DLG2: variants seen among roughly 807,000 people sequenced by gnomAD.
DLG2 encodes discs large MAGUK scaffold protein 2, also known as disks large homolog 2.
In DLG2, 45 loss-of-function variants were observed where a neutral mutation model predicts 132.5. The ratio of observed to expected loss-of-function variants is 0.34; its 90% CI spans 0.27 to 0.44. The LOEUF is 0.44. Ranked by LOEUF, DLG2 falls within the 20% of genes least tolerant of loss-of-function variation. The pLI, the probability that DLG2 is intolerant of heterozygous loss-of-function variation, is 1.00. For synonymous variants in DLG2, 424 were observed against 419.6 expected (o/e 1.01, Z -0.13); for missense variants, 1,045 against 1,196.9 (o/e 0.87, Z 1.87).
At chr11:83,855,435 T>C (rs1210426942) in intron 16 of DLG2, among the ~76,000 whole-genome samples, 1 of 152,234 alleles carries the variant, frequency 6.6e-6, no homozygotes, top group Non-Finnish European at 1.5e-5. Context: ...TGTCCTTCAG[T>C]AGGTGAATGG....
intron 19 of DLG2, among the ~76,000 whole-genome samples, chr11:83,550,378 TC>T (rs1416996191): frequency 6.6e-5 from 10 of 152,278 alleles, no homozygotes; most frequent in African/African-American, 1.9e-4. Context: ...ATTTCACATG[TC>T]CGGGGGCTTG....
At chr11:84,818,816 G>A (rs528895140) in intron 6 of DLG2, among the ~76,000 whole-genome samples, 2 of 151,944 alleles carry the variant, frequency 1.3e-5, no homozygotes, top group African/African-American at 4.8e-5. Flanking sequence ...TTGAGTGGCA[G>A]ACTAATGAAT....
At chr11:83,901,335 G>T (rs978441631) in intron 15 of DLG2, among the ~76,000 whole-genome samples, 8 of 152,112 alleles carry the variant, frequency 5.3e-5, no homozygotes, top group Admixed American at 5.2e-4. Flanking sequence ...TTGGGAGGGG[G>T]TAGGGGCAGA....
Position 85,151,894 on chromosome 11 carries a change from T to C in DLG2, c.282+2662A>G, listed in dbSNP as rs114594633. Among the ~76,000 whole-genome samples the C allele has an allele frequency of 2.9e-3, 441 of 152,316 alleles. 1 individual carries two copies. The highest frequency in any genetic ancestry group is 0.01 in the African/African-American group (430 of 41,580). On this transcript the variant is annotated intron_variant, in intron 5 of 27. Coordinates refer to ENST00000376104, the MANE Select transcript of DLG2 (RefSeq NM_001142699.3). ...TGTCTCGGAACTAACGCTTTTAAAA[T>C]AAGGATCATGGGAAGCATTTAATGT...
chr11:85,230,412 AT>A (rs1234966930), intron 4 of DLG2, among the ~76,000 whole-genome samples: 1 of 151,722 alleles, frequency 6.6e-6, no homozygotes, highest in Non-Finnish European at 1.5e-5. Context: ...ATGTTGAATT[AT>A]CTCGTATTCA....
chr11:83,466,233 G>A lies in DLG2; in HGVS notation c.2729+475C>T, dbSNP rs150775501. On this transcript the variant is annotated intron_variant, in intron 26 of 27. Coordinates refer to ENST00000376104, the MANE Select transcript of DLG2 (RefSeq NM_001142699.3). ...AATGCCAATGAAAAAAGTCTCAAACGTTGTCTGCTCTCTCTATAAAAAATC... is the reference window on the plus strand; with the variant it reads ...AATGCCAATGAAAAAAGTCTCAAACATTGTCTGCTCTCTCTATAAAAAATC... 3.6e-3 allele frequency among the ~76,000 whole-genome samples: 552 copies of A among 151,354 alleles called. 4 individuals carry two copies. Among genetic ancestry groups the A allele is most frequent in the Middle Eastern group, 0.014 (4 of 292 alleles).
chr11:84,669,185 G>A (rs1246703200), intron 6 of DLG2, among the ~76,000 whole-genome samples: 1 of 152,018 alleles, frequency 6.6e-6, no homozygotes, highest in Non-Finnish European at 1.5e-5. Context: ...AAGGGGAGTT[G>A]GGGTCTGGCA....
intron 6 of DLG2, among the ~76,000 whole-genome samples, chr11:84,633,817 G>C (rs778502426): frequency 6.6e-6 from 1 of 152,052 alleles, no homozygotes; most frequent in Non-Finnish European, 1.5e-5. Context: ...ACACACACTG[G>C]CCTGCTCTCG....
intron 17 of DLG2, among the ~76,000 whole-genome samples, chr11:83,807,761 T>G (rs951738441): frequency 6.6e-6 from 1 of 152,168 alleles, no homozygotes; most frequent in Non-Finnish European, 1.5e-5. Flanking sequence ...TTAGGCTTGT[T>G]ATTGTTAATC....
At chr11:84,933,206 T>C (rs1213347413) in intron 6 of DLG2, among the ~76,000 whole-genome samples, 1 of 152,158 alleles carries the variant, frequency 6.6e-6, no homozygotes, top group Non-Finnish European at 1.5e-5. Context: ...TTCTAGGTTC[T>C]ATTCTGTTCT....
chr11:85,312,195 C>T (rs556382046), intron 3 of DLG2, among the ~76,000 whole-genome samples: 6 of 151,972 alleles, frequency 3.9e-5, no homozygotes, highest in Non-Finnish European at 8.8e-5. Flanking sequence ...TAAGAAAAAA[C>T]ATTGTGTCTT....
intron 19 of DLG2, among the ~76,000 whole-genome samples, chr11:83,618,598 A>C (rs2061184587): frequency 6.6e-6 from 1 of 152,196 alleles, no homozygotes; most frequent in Non-Finnish European, 1.5e-5. Flanking sequence ...AAAGGTACTA[A>C]GTGGCCAAGC....
At chr11:85,057,952 G>A (rs1400684184) in intron 6 of DLG2, among the ~76,000 whole-genome samples, 2 of 151,318 alleles carry the variant, frequency 1.3e-5, no homozygotes, top group African/African-American at 4.8e-5. Flanking sequence ...ACTTTAAACT[G>A]AAAAACACTT....
At chr11:84,098,521 T>C (rs752546122) in intron 10 of DLG2, among the ~76,000 whole-genome samples, 1 of 152,206 alleles carries the variant, frequency 6.6e-6, no homozygotes, top group African/African-American at 2.4e-5. Context: ...CTATAAATGG[T>C]TGCCGAATAT....
Position 84,502,138 on chromosome 11 carries a change from T to TTCC in DLG2, c.519+32431_519+32432insGGA, listed in dbSNP as rs1301193995. ...TCTTTCTCTCTTTCTCTCTTTCTCC[T>TTCC]TTCTTTCCTTCCTTCCTTCCTTTCT... On this transcript the variant is annotated intron_variant, in intron 7 of 27. Transcript: ENST00000376104. Among the ~76,000 whole-genome samples, 57 of 97,570 alleles carry TTCC rather than the reference T, an allele frequency of 5.8e-4. 9 individuals are homozygous for TTCC. Among genetic ancestry groups the TTCC allele is most frequent in the Non-Finnish European group, 9.1e-4 (44 of 48,532 alleles). 64.0% of individuals were successfully genotyped at this position (97,570 alleles called of 152,430 possible).
At chr11:85,319,343 G>A (rs1259593499) in intron 3 of DLG2, among the ~76,000 whole-genome samples, 1 of 151,706 alleles carries the variant, frequency 6.6e-6, no homozygotes, top group Non-Finnish European at 1.5e-5. Context: ...TTTAACAATA[G>A]TAATCTTGGA....
chr11:84,643,570 T>C (rs1462706241), intron 6 of DLG2, among the ~76,000 whole-genome samples: 5 of 152,186 alleles, frequency 3.3e-5, no homozygotes, highest in African/African-American at 1.2e-4. Flanking sequence ...CCCTCAAATC[T>C]GGAAGGATGG....
At chr11:85,275,837 A>G (rs987303724) in intron 4 of DLG2, among the ~76,000 whole-genome samples, 3 of 152,144 alleles carry the variant, frequency 2.0e-5, no homozygotes, top group Non-Finnish European at 4.4e-5. Context: ...TCCTGACTCC[A>G]CAGTATTGTA....
intron 6 of DLG2, among the ~76,000 whole-genome samples, chr11:84,692,774 A>T (rs1028865829): frequency 7.3e-5 from 11 of 151,674 alleles, no homozygotes; most frequent in African/African-American, 2.4e-4. Context: ...GGCTCAAATC[A>T]CCTGAAATTT....
Sources: gnomAD v4.1 joint callset for allele counts (sites outside exome capture counted in the v4.1 genomes callset) on GRCh38, gnomAD v4.1.1 for gene constraint, MANE v1.5 for transcripts, NCBI Gene and HGNC (gene_info 2026-07-23, HGNC 2026-07-21) for gene names.